GRIK3: variants seen among roughly 807,000 people sequenced by gnomAD.
The protein encoded by GRIK3 is glutamate ionotropic receptor kainate type subunit 3.
In GRIK3, 29 loss-of-function variants were observed where a neutral mutation model predicts 102.5. That is an observed-to-expected ratio of 0.28 (90% CI 0.21 to 0.39). The LOEUF (loss-of-function observed/expected upper bound fraction) is 0.39, where lower values mean the gene tolerates loss of function less well. GRIK3 is among the 10% of genes least tolerant of loss of function. The probability of loss-of-function intolerance (pLI) is 1.00; values close to 1 mark genes in which losing one functional copy is unlikely to be tolerated. For synonymous variants in GRIK3, 511 were observed against 504.9 expected, an observed-to-expected ratio of 1.01 and a Z score of -0.16; for missense variants, 908 against 1,252.4, an observed-to-expected ratio of 0.73 and a Z score of 4.15.
chr1:36,802,380 G>T (rs1268576824), intron 15 of GRIK3, among the ~76,000 whole-genome samples: 3 of 152,134 alleles, frequency 2.0e-5, no homozygotes, highest in Non-Finnish European at 2.9e-5. Flanking sequence ...GACTCGGAGG[G>T]CAGGAACCAG....
At chr1:36,883,901 T>C (rs1570778639) in intron 2 of GRIK3, among the ~76,000 whole-genome samples, 1 of 152,228 alleles carries the variant, frequency 6.6e-6, no homozygotes, top group Admixed American at 6.5e-5. Context: ...GGAGATTTTA[T>C]ATAAAGAAGT....
intron 13 of GRIK3, among the ~76,000 whole-genome samples, chr1:36,814,711 C>T (rs1277506644): frequency 2.0e-5 from 3 of 151,968 alleles, no homozygotes; most frequent in Non-Finnish European, 4.4e-5. Flanking sequence ...CGAGTATACA[C>T]ACACATGCCT....
intron 1 of GRIK3, among the ~76,000 whole-genome samples, chr1:37,000,750 T>G (rs1434177650): frequency 2.0e-5 from 3 of 152,216 alleles, no homozygotes; most frequent in Non-Finnish European, 4.4e-5. Context: ...TCAGTCTCCT[T>G]TCCCTTAGGC....
At chr1:36,971,605 T>A (rs762195162) in intron 1 of GRIK3, among the ~76,000 whole-genome samples, 1 of 152,028 alleles carries the variant, frequency 6.6e-6, no homozygotes, top group Non-Finnish European at 1.5e-5. Context: ...AGAGGGACAG[T>A]GGGGAAAGGT....
intron 10 of GRIK3, among the ~76,000 whole-genome samples, chr1:36,841,171 C>T (rs1640445082): frequency 6.6e-6 from 1 of 152,126 alleles, no homozygotes; most frequent in Non-Finnish European, 1.5e-5. Flanking sequence ...CCTGCTTGGG[C>T]TCCCAGCTGT....
In GRIK3 at chr1:36,830,081, C is replaced by T. The variant is rs74064772; in HGVS notation, c.1531-4255G>A. On this transcript the variant is annotated intron_variant, in intron 10 of 15. Coordinates refer to ENST00000373091, the MANE Select transcript of GRIK3 (RefSeq NM_000831.4). ...TAGTTCCCACCAGCTTCCTCATCTC[C>T]GTTCTCCACCTCTTAGTTGGGATCC... Among the ~76,000 whole-genome samples the T allele has an allele frequency of 9.4e-3, 1,432 of 152,306 alleles. 18 individuals are homozygous for T. Among genetic ancestry groups the T allele is most frequent in the African/African-American group, 0.031 (1,292 of 41,562 alleles).
chr1:37,014,834 CTCTTTTCTTA>C lies in GRIK3; in HGVS notation c.115+19150_115+19159del, dbSNP rs529322453. On this transcript the variant is annotated intron_variant, in intron 1 of 15. Coordinates refer to ENST00000373091, the MANE Select transcript of GRIK3 (RefSeq NM_000831.4). Reference sequence around the variant, plus strand: ...AACAGAACCCATTTAGCCATTTAGCCTCTTTTCTTATCTTTTCTTTTCTTTTCTTTTCTTT... The same window carrying C: ...AACAGAACCCATTTAGCCATTTAGCCTCTTTTCTTTTCTTTTCTTTTCTTT... 9.7e-3 allele frequency among the ~76,000 whole-genome samples: 1,436 copies of C among 147,552 alleles called. 19 individuals are homozygous for C. Among genetic ancestry groups the C allele is most frequent in the African/African-American group, 0.033 (1,269 of 38,460 alleles).
intron 9 of GRIK3, among the ~76,000 whole-genome samples, chr1:36,844,396 C>T (rs527631): frequency 0.16 from 24,091 of 152,282 alleles, 2,064 homozygotes; most frequent in African/African-American, 0.2. Flanking sequence ...AGGAGGACAT[C>T]GGCTGGTCCA....
chr1:36,915,575 C>T (rs1035831662), intron 1 of GRIK3, among the ~76,000 whole-genome samples: 1 of 152,074 alleles, frequency 6.6e-6, no homozygotes, highest in African/African-American at 2.4e-5. Context: ...ATCTTGAATC[C>T]CCATGTGATG....
intron 1 of GRIK3, among the ~76,000 whole-genome samples, chr1:36,958,867 TCCTGTGAGCCTGTGTGC>T (rs1277391703): frequency 6.4e-5 from 7 of 109,334 alleles, no homozygotes; most frequent in Admixed American, 2.7e-4. Flanking sequence ...AGCCTGTGTG[TCCTGTGAGCCTGTGTGC>T]CCTGTGAGTC....
At chr1:36,851,534 G>C (rs1002719487) in intron 8 of GRIK3, among the ~76,000 whole-genome samples, 15 of 152,258 alleles carry the variant, frequency 9.9e-5, no homozygotes, top group Non-Finnish European at 1.9e-4. Context: ...GGGTGCAGGA[G>C]GTGCTTGGCA....
In GRIK3 at chr1:37,000,469, G is replaced by C. The variant is rs191876313; in HGVS notation, c.115+33525C>G. ...GAAGTTCAGAGAGGAAAATGAAGTT[G>C]AGAGAGGAAAATGAAGTTGAGAGAG... is the stretch of plus-strand genomic sequence containing the variant. On this transcript the variant is annotated intron_variant, in intron 1 of 15. Coordinates refer to ENST00000373091, the MANE Select transcript of GRIK3 (RefSeq NM_000831.4). 7.6e-3 allele frequency among the ~76,000 whole-genome samples: 1,161 copies of C among 152,172 alleles called. 17 individuals carry two copies. The highest frequency in any genetic ancestry group is 0.027 in the African/African-American group (1,120 of 41,516).
chr1:37,025,640 A>G (rs1471264717), intron 1 of GRIK3, among the ~76,000 whole-genome samples: 2 of 152,198 alleles, frequency 1.3e-5, no homozygotes, highest in Non-Finnish European at 1.5e-5. Flanking sequence ...AGATGCAGAA[A>G]GGCTTTGCAG....
rs1346451183 is a variant in GRIK3, at chr1:36,901,099, A to G, written c.116-10003T>C. On this transcript the variant is annotated intron_variant, in intron 1 of 15. Coordinates refer to ENST00000373091, the MANE Select transcript of GRIK3 (RefSeq NM_000831.4). The stretch of plus-strand genomic sequence containing the variant: ...CCAGATGGGTTCACTGGTAAATTCT[A>G]CTAAACATTTAAGAAAGAAATAATA... Among the ~76,000 whole-genome samples, 4 of 152,362 alleles carry G rather than the reference A, an allele frequency of 2.6e-5. No homozygotes were observed. The East Asian group carries it at 5.8e-4, about 22-fold the overall frequency.
chr1:36,951,249 C>A (rs565387328), intron 1 of GRIK3, among the ~76,000 whole-genome samples: 1 of 152,330 alleles, frequency 6.6e-6, no homozygotes, highest in Admixed American at 6.5e-5. Flanking sequence ...AGTCTGGCAG[C>A]ACCCTCTGAA....
chr1:36,891,021 G>A lies in GRIK3; in HGVS notation c.191C>T (p.Ala64Val). Residue 64 changes from alanine (A) to valine (V), a missense_variant, in exon 2 of 16, where the codon GCC (alanine) becomes GTC (valine). Coordinates refer to ENST00000373091, the MANE Select transcript of GRIK3 (RefSeq NM_000831.4). The part of the protein sequence containing the change: ...NAEEHAFRFS[A>V]NIINRNRTLL... ...AGTCCTGTTCCTGTTGATGATGTTG[G>A]CAGAAAATCGAAAGGCATGCTCCTC... 1 of 1,613,932 alleles carries A rather than the reference G, an allele frequency of 6.2e-7. No individual in the cohort carries two copies. Among genetic ancestry groups the A allele is most frequent in the Non-Finnish European group, 8.5e-7 (1 of 1,179,840 alleles).
intron 1 of GRIK3, among the ~76,000 whole-genome samples, chr1:36,941,740 C>T (rs956332973): frequency 6.6e-6 from 1 of 152,248 alleles, no homozygotes; most frequent in Non-Finnish European, 1.5e-5. Flanking sequence ...CCTGCAAAAT[C>T]AAGCTTATTT....
At chr1:37,007,415 TC>T (rs1642544155) in intron 1 of GRIK3, among the ~76,000 whole-genome samples, 1 of 151,404 alleles carries the variant, frequency 6.6e-6, no homozygotes, top group Non-Finnish European at 1.5e-5. Flanking sequence ...GAGGGAAGAG[TC>T]CATTCCTTCT....
At chr1:36,950,096 C>T (rs1478066442) in intron 1 of GRIK3, among the ~76,000 whole-genome samples, 1 of 152,156 alleles carries the variant, frequency 6.6e-6, no homozygotes, top group East Asian at 1.9e-4. Context: ...ATACACAACA[C>T]ACACACAATA....
Sources: allele counts gnomAD v4.1 joint callset (sites outside exome capture counted in the v4.1 genomes callset), GRCh38; gene constraint gnomAD v4.1.1; transcripts MANE v1.5; gene names NCBI Gene and HGNC (gene_info 2026-07-23, HGNC 2026-07-21).